Variants in EIF2S1 observed in about 807,000 individuals in gnomAD.
EIF2S1 encodes eukaryotic translation initiation factor 2 subunit alpha, also known as eukaryotic translation initiation factor 2 subunit 1.
EIF2S1 carries 5 observed loss-of-function variants against 33.5 expected under a neutral mutation model. The ratio of observed to expected loss-of-function variants is 0.15; its 90% CI spans 0.08 to 0.31. The LOEUF (loss-of-function observed/expected upper bound fraction) is 0.31, where lower values mean the gene tolerates loss of function less well. Among genes scored for constraint, EIF2S1 ranks in the 10% least tolerant of loss-of-function variants. The probability of loss-of-function intolerance (pLI) is 1.00; values close to 1 mark genes in which losing one functional copy is unlikely to be tolerated. For synonymous variants in EIF2S1, 99 were observed against 127.5 expected, an observed-to-expected ratio of 0.78 and a Z score of 1.51; for missense variants, 191 against 384.6, an observed-to-expected ratio of 0.50 and a Z score of 4.21.
At chr14:67,361,999 A>G (rs916327406) in intron 1 of EIF2S1, among the ~76,000 whole-genome samples, 12 of 151,144 alleles carry the variant, frequency 7.9e-5, no homozygotes, top group African/African-American at 2.9e-4. Context: ...TTACTTAGGT[A>G]AGAGTCTTTT....
At chr14:67,361,210 A>G (rs549621762) in intron 1 of EIF2S1, among the ~76,000 whole-genome samples, 68 of 152,314 alleles carry the variant, frequency 4.5e-4, no homozygotes, top group Non-Finnish European at 7.6e-4. Flanking sequence ...GGCTTTTTAA[A>G]TTTTTATTAA....
rs1019980572 is a variant in EIF2S1, at chr14:67,381,762, C to G, written c.678+72C>G. The G allele has an allele frequency of 6.5e-5, 54 of 826,332 alleles. No homozygotes were observed. The African/African-American group carries it at 9.2e-4, about 14-fold the overall frequency. The allele number at this position is 826,332 out of a possible 1,614,324, so 51.2% of individuals were successfully genotyped here. On this transcript the variant is annotated intron_variant, in intron 6 of 7. Coordinates refer to ENST00000256383, the MANE Select transcript of EIF2S1 (RefSeq NM_004094.5). ...CAAATAGGATCTTTGATCTTTGTTT[C>G]TTTTTTTTTTTTTAATCACATTTCA...
At chr14:67,370,598 C>T (rs1400256749) in intron 2 of EIF2S1, among the ~76,000 whole-genome samples, 1 of 152,150 alleles carries the variant, frequency 6.6e-6, no homozygotes. Context: ...TGCCAATCAT[C>T]TCAACAAATC....
At chr14:67,380,272 C>G (rs1236309897) in intron 4 of EIF2S1, among the ~76,000 whole-genome samples, 1 of 152,112 alleles carries the variant, frequency 6.6e-6, no homozygotes, top group Non-Finnish European at 1.5e-5. Context: ...GGAAGTAATA[C>G]CTTTCTGTCC....
At chr14:67,366,026 G>C (rs934092932) in intron 2 of EIF2S1, among the ~76,000 whole-genome samples, 9 of 151,650 alleles carry the variant, frequency 5.9e-5, no homozygotes, top group African/African-American at 2.2e-4. Flanking sequence ...GTTAAACTTA[G>C]GTAAGTCTTC....
At chr14:67,376,403 A>G (rs375396138) in intron 3 of EIF2S1, 36 bp from the exon 4 acceptor site, 11 of 1,547,868 alleles carry the variant, frequency 7.1e-6, no homozygotes, top group Admixed American at 6.1e-5. Flanking sequence ...TAAATCTCTT[A>G]TCTTTGAATT....
chr14:67,367,004 A>G (rs958206620), intron 2 of EIF2S1, among the ~76,000 whole-genome samples: 1 of 152,094 alleles, frequency 6.6e-6, no homozygotes, highest in African/African-American at 2.4e-5. Flanking sequence ...TGGTGGTGAT[A>G]GTGGTGAGGG....
intron 2 of EIF2S1, among the ~76,000 whole-genome samples, chr14:67,371,053 G>A (rs963194312): frequency 6.6e-6 from 1 of 152,096 alleles, no homozygotes; most frequent in African/African-American, 2.4e-5. Flanking sequence ...AGGCCAGATG[G>A]TTAAATTGAT....
chr14:67,369,813 TAAAAG>T (rs946470852), intron 2 of EIF2S1, among the ~76,000 whole-genome samples: 9 of 152,052 alleles, frequency 5.9e-5, no homozygotes, highest in Admixed American at 3.3e-4. Flanking sequence ...TTTTAGAAGA[TAAAAG>T]AAAGGAAAGG....
intron 4 of EIF2S1, among the ~76,000 whole-genome samples, chr14:67,377,617 C>T (rs1249714440): frequency 6.6e-6 from 1 of 152,216 alleles, no homozygotes; most frequent in Non-Finnish European, 1.5e-5. Flanking sequence ...TGCTCTCAAA[C>T]TAGTCTTGCC....
Position 67,376,498 on chromosome 14 carries a change from G to A in EIF2S1, c.381G>A (p.Leu127=). The A allele has an allele frequency of 6.2e-7, 1 of 1,614,078 alleles. No individual in the cohort carries two copies. The highest frequency in any genetic ancestry group is 2.2e-5 in the East Asian group (1 of 44,870). Residue 127 remains leucine (L), a synonymous_variant, in exon 4 of 8, where the codon CTG becomes CTA. Transcript: ENST00000256383. The part of the protein sequence containing the change: ...EVLEYTKDEQ[L]ESLFQRTAWV... ...TAGAATACACCAAGGATGAGCAGCT[G>A]GAAAGCCTATTCCAGAGGACTGCCT...
intron 1 of EIF2S1, among the ~76,000 whole-genome samples, chr14:67,362,693 TAAAG>T (rs536967586): frequency 3.3e-5 from 5 of 152,216 alleles, no homozygotes; most frequent in Admixed American, 6.5e-5. Context: ...GTGAAAAAGA[TAAAG>T]AGGTGAAGTC....
intron 3 of EIF2S1, among the ~76,000 whole-genome samples, chr14:67,375,213 A>G (rs1166312738): frequency 6.8e-6 from 1 of 147,890 alleles, no homozygotes; most frequent in African/African-American, 2.5e-5. Flanking sequence ...GTTATCCTTC[A>G]TCCTCTACAT....
Position 67,374,508 on chromosome 14 carries a change from A to G in EIF2S1, c.282A>G (p.Glu94=), listed in dbSNP as rs753677183. Residue 94 remains glutamate (E), a synonymous_variant, in exon 3 of 8, where the codon GAA becomes GAG. Transcript: ENST00000256383. ...DLSKRRVSPE[E]AIKCEDKFTK... ...CAAAAAGAAGAGTTTCTCCAGAGGA[A>G]GCAATCAAATGTGAAGACAAATTCA... 80 of 1,608,346 alleles carry G rather than the reference A, an allele frequency of 5.0e-5. No homozygotes were observed. Among genetic ancestry groups the G allele is most frequent in the Non-Finnish European group, 6.5e-5 (77 of 1,176,752 alleles).
At chr14:67,376,092 T>C (rs750539575) in intron 3 of EIF2S1, among the ~76,000 whole-genome samples, 2 of 152,226 alleles carry the variant, frequency 1.3e-5, no homozygotes, top group East Asian at 3.8e-4. Context: ...GGAGTAATAA[T>C]AACAACTTGT....
intron 2 of EIF2S1, among the ~76,000 whole-genome samples, chr14:67,368,908 T>C (rs1294907032): frequency 6.6e-6 from 1 of 151,808 alleles, no homozygotes; most frequent in Admixed American, 6.6e-5. Context: ...CAAAGATATA[T>C]TAAAATGGAA....
intron 5 of EIF2S1, 50 bp from the exon 6 acceptor site, chr14:67,381,543 T>G (rs186523156): frequency 1.7e-4 from 247 of 1,448,176 alleles, no homozygotes; most frequent in Non-Finnish European, 2.3e-4. Flanking sequence ...CTTTAAACTT[T>G]TAAATATTTT....
At chr14:67,381,504 A>G (rs1036261046) in intron 5 of EIF2S1, 89 bp from the exon 6 acceptor site, 2 of 970,770 alleles carry the variant, frequency 2.1e-6, no homozygotes, top group East Asian at 4.9e-5. Context: ...GTATTTGAAT[A>G]CTAATATATC....
chr14:67,376,636 C>T, intron 4 of EIF2S1, 46 bp downstream of exon 4: 1 of 1,579,856 alleles, frequency 6.3e-7, no homozygotes. Context: ...TATCACAACT[C>T]TTGGCCTGAT....
Sources: gnomAD v4.1 joint callset for allele counts (sites outside exome capture counted in the v4.1 genomes callset) on GRCh38, gnomAD v4.1.1 for gene constraint, MANE v1.5 for transcripts, NCBI Gene and HGNC (gene_info 2026-07-23, HGNC 2026-07-21) for gene names.